The following GRM7 variants were observed in gnomAD, a reference collection of about 807,000 sequenced individuals.
The protein encoded by GRM7 is metabotropic glutamate receptor 7.
Under a neutral mutation model 84.5 loss-of-function variants are expected in GRM7, and 35 were observed. That is an observed-to-expected ratio of 0.41 (90% confidence interval 0.32 to 0.55). The LOEUF (loss-of-function observed/expected upper bound fraction) is 0.55, where lower values mean the gene tolerates loss of function less well. Ranked by LOEUF, GRM7 falls within the 20% of genes least tolerant of loss-of-function variation. The pLI is 0.19. For missense variants in GRM7, 1,003 were observed against 1,194.6 expected, an observed-to-expected ratio of 0.84 and a Z score of 2.36; for synonymous variants, 487 against 455.1, an observed-to-expected ratio of 1.07 and a Z score of -0.89.
chr3:7,290,525 A>G lies in GRM7; in HGVS notation c.737-8159A>G, dbSNP rs533673576. Among the ~76,000 whole-genome samples, 219 of 152,324 alleles carry G rather than the reference A, an allele frequency of 1.4e-3. 2 individuals are homozygous for G. Among genetic ancestry groups the G allele is most frequent in the Non-Finnish European group, 2.7e-3 (183 of 68,022 alleles). The stretch of plus-strand genomic sequence containing the variant: ...CAACATTTCTTGGCTGAAAGATATG[A>G]TGGATTCACACCTCATTAGCATGTG... On this transcript the variant is annotated intron_variant, in intron 2 of 9. Coordinates refer to ENST00000357716, the MANE Select transcript of GRM7 (RefSeq NM_000844.4).
chr3:7,582,874 G>A (rs1294781733), intron 8 of GRM7, among the ~76,000 whole-genome samples: 1 of 152,080 alleles, frequency 6.6e-6, no homozygotes, highest in East Asian at 1.9e-4. Context: ...CAACAGGTCT[G>A]GAATGCGGCA....
chr3:7,222,252 T>C (rs1420585404), intron 2 of GRM7, among the ~76,000 whole-genome samples: 1 of 152,072 alleles, frequency 6.6e-6, no homozygotes, highest in Non-Finnish European at 1.5e-5. Flanking sequence ...CACCCCAAGA[T>C]TCCATCCACT....
chr3:7,447,281 A>C (rs937314405), intron 5 of GRM7, among the ~76,000 whole-genome samples: 1 of 152,226 alleles, frequency 6.6e-6, no homozygotes. Context: ...AATTGAAAAA[A>C]AAGCTGATTT....
At chr3:7,335,956 G>A (rs946208178) in intron 4 of GRM7, among the ~76,000 whole-genome samples, 4 of 151,998 alleles carry the variant, frequency 2.6e-5, no homozygotes, top group Non-Finnish European at 5.9e-5. Context: ...ATTCACAGCT[G>A]AATTCTATCA....
rs9835836 is a variant in GRM7, at chr3:7,375,367, C to T, written c.1034-39656C>T. On this transcript the variant is annotated intron_variant, in intron 4 of 9. Coordinates refer to ENST00000357716, the MANE Select transcript of GRM7 (RefSeq NM_000844.4). Reference sequence around the variant, plus strand: ...CTGAGTGGCTGGGACTACAGGCGTGCGCTTCCATGCCCCGCTAATTTTTGT... The same window carrying T: ...CTGAGTGGCTGGGACTACAGGCGTGTGCTTCCATGCCCCGCTAATTTTTGT... Among the ~76,000 whole-genome samples, 314 of 151,938 alleles carry T rather than the reference C, an allele frequency of 2.1e-3. 1 individual carries two copies. The highest frequency in any genetic ancestry group is 7.2e-3 in the African/African-American group (300 of 41,434).
intron 7 of GRM7, chr3:7,561,648 G>A: frequency 1.1e-5 from 5 of 447,768 alleles, no homozygotes; most frequent in South Asian, 7.9e-5. Context: ...GGAAGATAAT[G>A]TGAATCAGAT....
intron 8 of GRM7, among the ~76,000 whole-genome samples, chr3:7,654,607 G>C (rs772134121): frequency 2.0e-5 from 3 of 152,186 alleles, no homozygotes; most frequent in Admixed American, 6.5e-5. Flanking sequence ...GAACTAGGAA[G>C]CTCTGGGTTT....
At position 6,883,145 on chromosome 3, in the gene GRM7, T is replaced by A. The variant is rs577931614; in HGVS notation, c.519+21238T>A. Among the ~76,000 whole-genome samples the A allele has an allele frequency of 2.1e-4, 32 of 152,320 alleles. No individual in the cohort carries two copies. In the South Asian group the frequency reaches 5.6e-3, roughly 27 times the overall value. ...AGACCTACATGATTCTAACTATATT[T>A]CTTTGGTTAATAATTGTGAGATTAA... On this transcript the variant is annotated intron_variant, in intron 1 of 9. Coordinates refer to ENST00000357716, the MANE Select transcript of GRM7 (RefSeq NM_000844.4).
intron 1 of GRM7, among the ~76,000 whole-genome samples, chr3:6,922,538 T>C (rs956209936): frequency 2.0e-5 from 3 of 152,234 alleles, no homozygotes; most frequent in Non-Finnish European, 2.9e-5. Context: ...TTTTTAAATT[T>C]ATCACTTCTT....
intron 7 of GRM7, among the ~76,000 whole-genome samples, chr3:7,474,584 G>C (rs865912931): frequency 6.0e-4 from 91 of 152,090 alleles, no homozygotes; most frequent in Non-Finnish European, 3.1e-4. Flanking sequence ...GCTAATCTTT[G>C]CACAGCTGTA....
At chr3:7,351,339 G>GGAA (rs1553564946) in intron 4 of GRM7, among the ~76,000 whole-genome samples, 1 of 45,900 alleles carries the variant, frequency 2.2e-5, no homozygotes, top group Non-Finnish European at 3.9e-5. Context: ...TCCCACAGGC[G>GGAA]AAAAAAAAAA....
At chr3:7,174,080 C>T (rs1695068379) in intron 2 of GRM7, among the ~76,000 whole-genome samples, 1 of 152,052 alleles carries the variant, frequency 6.6e-6, no homozygotes, top group Non-Finnish European at 1.5e-5. Context: ...GGTATTTAAT[C>T]TCTATTTTGA....
intron 4 of GRM7, among the ~76,000 whole-genome samples, chr3:7,362,769 C>T (rs905436928): frequency 1.3e-5 from 2 of 152,072 alleles, no homozygotes; most frequent in Non-Finnish European, 2.9e-5. Flanking sequence ...AGATATCAGT[C>T]CTACTGCCTG....
At chr3:7,002,674 A>G (rs1451256857) in intron 1 of GRM7, among the ~76,000 whole-genome samples, 2 of 152,184 alleles carry the variant, frequency 1.3e-5, no homozygotes, top group Admixed American at 6.5e-5. Flanking sequence ...AAAATAGTAT[A>G]TAGAGAGTCT....
chr3:7,730,431 C>T (rs1323308253), intron 9 of GRM7, among the ~76,000 whole-genome samples: 1 of 152,200 alleles, frequency 6.6e-6, no homozygotes, highest in Admixed American at 6.5e-5. Flanking sequence ...AAAACAGTAT[C>T]TGACAAATAG....
At chr3:7,198,744 G>A (rs1424155974) in intron 2 of GRM7, among the ~76,000 whole-genome samples, 1 of 152,120 alleles carries the variant, frequency 6.6e-6, no homozygotes. Context: ...ATGGGTACTT[G>A]GAGTACAGTT....
chr3:7,262,135 T>A (rs1388892988), intron 2 of GRM7, among the ~76,000 whole-genome samples: 1 of 151,720 alleles, frequency 6.6e-6, no homozygotes, highest in South Asian at 2.1e-4. Flanking sequence ...GAGAATCTGA[T>A]GGTTATGTGT....
At chr3:7,334,726 A>G (rs1650904139) in intron 4 of GRM7, among the ~76,000 whole-genome samples, 1 of 152,184 alleles carries the variant, frequency 6.6e-6, no homozygotes, top group Non-Finnish European at 1.5e-5. Context: ...GGTTAAAAAA[A>G]GATATTCCAT....
At chr3:7,460,607 A>G (rs1235771294) in intron 6 of GRM7, among the ~76,000 whole-genome samples, 1 of 152,160 alleles carries the variant, frequency 6.6e-6, no homozygotes, top group African/African-American at 2.4e-5. Flanking sequence ...GATAGCAGTC[A>G]TATATCATAT....
Sources: gnomAD v4.1 joint callset for allele counts (sites outside exome capture counted in the v4.1 genomes callset) on GRCh38, gnomAD v4.1.1 for gene constraint, MANE v1.5 for transcripts, NCBI Gene and HGNC (gene_info 2026-07-23, HGNC 2026-07-21) for gene names.